SLC37A3: variants seen among roughly 807,000 people sequenced by gnomAD.
SLC37A3 encodes the protein sugar phosphate exchanger 3.
A neutral mutation model predicts 67.1 loss-of-function variants in SLC37A3; 51 were observed. That is an observed-to-expected ratio of 0.76 (90% confidence interval 0.61 to 0.96). The LOEUF (loss-of-function observed/expected upper bound fraction) is 0.96. Ranked by LOEUF, SLC37A3 falls within the 40% of genes least tolerant of loss-of-function variation. The probability of loss-of-function intolerance (pLI) is 0.00; values close to 1 mark genes in which losing one functional copy is unlikely to be tolerated. For missense variants in SLC37A3, 508 were observed against 603.0 expected (o/e 0.84, Z 1.65); for synonymous variants, 214 against 231.4 (o/e 0.92, Z 0.68).
In SLC37A3 at chr7:140,343,441, A is replaced by AACC; in HGVS notation, c.1294_1296dup (p.Gly432dup). 6.2e-7 allele frequency: 1 copy of AACC among 1,613,972 alleles called. No homozygotes were observed. The highest frequency in any genetic ancestry group is 8.5e-7 in the Non-Finnish European group (1 of 1,179,940). On this transcript the variant is annotated inframe_insertion, in exon 13 of 15. Coordinates refer to ENST00000326232, the MANE Select transcript of SLC37A3 (RefSeq NM_207113.3). ...CCCACTGCAGCTCCAATGCTCCCCGAACCATCCACAATTCCTGTGACAGTG... is the reference window on the plus strand; with the variant it reads ...CCCACTGCAGCTCCAATGCTCCCCGAACCACCATCCACAATTCCTGTGACAGTG...
chr7:140,342,529 C>T (rs1278150694), intron 13 of SLC37A3, among the ~76,000 whole-genome samples: 1 of 152,186 alleles, frequency 6.6e-6, no homozygotes, highest in Non-Finnish European at 1.5e-5. Flanking sequence ...TCCACAGGTT[C>T]AACTATTTTT....
intron 5 of SLC37A3, among the ~76,000 whole-genome samples, chr7:140,362,554 G>A (rs1797377136): frequency 2.4e-5 from 3 of 123,704 alleles, no homozygotes; most frequent in South Asian, 2.8e-4. Context: ...GAGGTGGGGG[G>A]TCAGCCCCCC....
rs1377980058 is a variant in SLC37A3, at chr7:140,335,411, G to T, written c.*1C>A. 2 of 1,614,102 alleles carry T rather than the reference G, an allele frequency of 1.2e-6. No homozygotes were observed. The highest frequency in any genetic ancestry group is 1.7e-6 in the Non-Finnish European group (2 of 1,180,024). On this transcript the variant is annotated 3_prime_UTR_variant, in exon 15 of 15. Transcript: ENST00000326232. ...TGTTCTTTCTGTCTCGCGGGCACCG[G>T]TCACTCCCTCAATATGTGAGCCTGT...
At chr7:140,395,645 T>C (rs909114345) in intron 1 of SLC37A3, among the ~76,000 whole-genome samples, 19 of 151,384 alleles carry the variant, frequency 1.3e-4, no homozygotes, top group Non-Finnish European at 2.5e-4. Flanking sequence ...GAGGCGGAGG[T>C]TGCAGTGAAC....
intron 11 of SLC37A3, among the ~76,000 whole-genome samples, chr7:140,345,472 A>T (rs34698154): frequency 6.6e-6 from 1 of 152,140 alleles, no homozygotes; most frequent in African/African-American, 2.4e-5. Context: ...TCTAAAAGCT[A>T]AAGAAAAGCT....
In SLC37A3 at chr7:140,373,045, G is replaced by A. The variant is rs182883965; in HGVS notation, c.199-3363C>T. 7.9e-4 allele frequency among the ~76,000 whole-genome samples: 120 copies of A among 152,168 alleles called. 1 individual carries two copies. The highest frequency in any genetic ancestry group is 2.7e-3 in the African/African-American group (113 of 41,536). The stretch of plus-strand genomic sequence containing the variant: ...CGGCTCACTGCGACCTCCGCCTATC[G>A]GGTTCAAGCGATTCTCCTGCCTCAG... On this transcript the variant is annotated intron_variant, in intron 3 of 14. Transcript: ENST00000326232.
intron 6 of SLC37A3, among the ~76,000 whole-genome samples, chr7:140,356,163 C>A: frequency 6.7e-6 from 1 of 149,768 alleles, no homozygotes; most frequent in South Asian, 2.1e-4. Context: ...CACTGCACTC[C>A]AGCCTTGACA....
At chr7:140,347,964 C>CAG in intron 10 of SLC37A3, among the ~76,000 whole-genome samples, 1 of 152,210 alleles carries the variant, frequency 6.6e-6, no homozygotes, top group South Asian at 2.1e-4. Context: ...TCTATACATA[C>CAG]TATGTTTTTT....
intron 3 of SLC37A3, among the ~76,000 whole-genome samples, chr7:140,377,142 G>A (rs553155756): frequency 3.3e-5 from 5 of 151,250 alleles, no homozygotes; most frequent in African/African-American, 7.3e-5. Context: ...ATGGAATGTC[G>A]CCATGTTGGC....
At chr7:140,363,095 A>G (rs1797431225) in intron 5 of SLC37A3, among the ~76,000 whole-genome samples, 1 of 86,576 alleles carries the variant, frequency 1.2e-5, no homozygotes, top group African/African-American at 4.2e-5. Context: ...CCGCCCGGCC[A>G]GCCGCCCCAT....
At chr7:140,353,296 A>G (rs1180804691) in intron 7 of SLC37A3, among the ~76,000 whole-genome samples, 1 of 152,020 alleles carries the variant, frequency 6.6e-6, no homozygotes, top group Non-Finnish European at 1.5e-5. Flanking sequence ...TAGCCTGGCC[A>G]ACATGGTGAA....
At chr7:140,344,700 G>C (rs551109744) in intron 12 of SLC37A3, among the ~76,000 whole-genome samples, 2 of 152,282 alleles carry the variant, frequency 1.3e-5, no homozygotes, top group Non-Finnish European at 2.9e-5. Flanking sequence ...AGGTTGCAGT[G>C]AGCTGAGACT....
chr7:140,351,818 T>G (rs1194007674), intron 8 of SLC37A3: 1 of 606,664 alleles, frequency 1.6e-6, no homozygotes, highest in Non-Finnish European at 2.9e-6. Flanking sequence ...TAAAAATAAT[T>G]TGCAAATGCG....
At chr7:140,371,522 T>C (rs988040522) in intron 3 of SLC37A3, among the ~76,000 whole-genome samples, 30 of 152,170 alleles carry the variant, frequency 2.0e-4, no homozygotes, top group African/African-American at 7.2e-4. Context: ...TTCCGCAGGA[T>C]GTTTATATTC....
chr7:140,381,290 G>A (rs1271225173), intron 2 of SLC37A3, among the ~76,000 whole-genome samples: 1 of 150,916 alleles, frequency 6.6e-6, no homozygotes, highest in Non-Finnish European at 1.5e-5. Context: ...GAGGTGGGAG[G>A]ATTGCTTGAG....
chr7:140,366,741 A>T (rs982197572), intron 4 of SLC37A3, among the ~76,000 whole-genome samples: 1 of 152,146 alleles, frequency 6.6e-6, no homozygotes, highest in Non-Finnish European at 1.5e-5. Flanking sequence ...GGGATTTTAT[A>T]CAGAAAATAC....
chr7:140,343,396 T>C lies in SLC37A3; in HGVS notation c.1326+16A>G, dbSNP rs767945852. 6.8e-6 allele frequency: 11 copies of C among 1,612,590 alleles called. No homozygotes were observed. Among genetic ancestry groups the C allele is most frequent in the Non-Finnish European group, 9.3e-6 (11 of 1,179,828 alleles). On this transcript the variant is annotated intron_variant, in intron 13 of 14. Coordinates refer to ENST00000326232, the MANE Select transcript of SLC37A3 (RefSeq NM_207113.3). ...GGGAAGACACTAGAATCCCAGCCCC[T>C]CTCCTGTTCTCTCACCTGGCCCACT...
At chr7:140,384,114 C>T (rs146173866) in intron 1 of SLC37A3, among the ~76,000 whole-genome samples, 2,483 of 152,208 alleles carry the variant, frequency 0.016, 30 homozygotes, top group Middle Eastern at 0.027. Context: ...AAATATACAA[C>T]AATAGGGGAA....
intron 4 of SLC37A3, 46 bp downstream of exon 4, chr7:140,369,544 A>G: frequency 1.3e-6 from 2 of 1,531,394 alleles, no homozygotes; most frequent in Non-Finnish European, 1.8e-6. Context: ...GGTCATTTAT[A>G]TTTACATTTT....
Sources: gnomAD v4.1 joint callset for allele counts (sites outside exome capture counted in the v4.1 genomes callset) on GRCh38, gnomAD v4.1.1 for gene constraint, MANE v1.5 for transcripts, NCBI Gene and HGNC (gene_info 2026-07-23, HGNC 2026-07-21) for gene names.